Variants in TRAPPC3L observed in about 807,000 individuals in gnomAD.
TRAPPC3L encodes trafficking protein particle complex subunit 3-like protein.
A neutral mutation model predicts 23.7 loss-of-function variants in TRAPPC3L; 23 were observed. The ratio of observed to expected loss-of-function variants is 0.97; its 90% CI spans 0.70 to 1.37. The LOEUF (loss-of-function observed/expected upper bound fraction) is 1.37, where lower values mean the gene tolerates loss of function less well. Ranked by LOEUF, TRAPPC3L falls within the 40% of genes most tolerant of loss-of-function variation. The probability of loss-of-function intolerance (pLI) is 0.00; values close to 1 mark genes in which losing one functional copy is unlikely to be tolerated. For synonymous variants in TRAPPC3L, 81 were observed against 77.9 expected (o/e 1.04, Z -0.21); for missense variants, 212 against 216.8 (o/e 0.98, Z 0.14).
intron 3 of TRAPPC3L, among the ~76,000 whole-genome samples, chr6:116,508,437 G>A (rs1189884207): frequency 6.6e-6 from 1 of 152,180 alleles, no homozygotes; most frequent in Admixed American, 6.6e-5. Context: ...GAGCCCCAAA[G>A]GTGTGAACTG....
chr6:116,506,401 T>C (rs1296728547), intron 3 of TRAPPC3L, among the ~76,000 whole-genome samples: 1 of 152,210 alleles, frequency 6.6e-6, no homozygotes, highest in East Asian at 1.9e-4. Flanking sequence ...TAGGAACACT[T>C]TTACACTGTT....
At chr6:116,504,672 G>A (rs1285309621) in intron 3 of TRAPPC3L, among the ~76,000 whole-genome samples, 2 of 152,252 alleles carry the variant, frequency 1.3e-5, no homozygotes, top group East Asian at 3.9e-4. Flanking sequence ...ACATCAAAAA[G>A]CTTATCCACC....
chr6:116,544,082 A>G (rs1183826728), intron 1 of TRAPPC3L, among the ~76,000 whole-genome samples: 1 of 151,804 alleles, frequency 6.6e-6, no homozygotes, highest in Non-Finnish European at 1.5e-5. Flanking sequence ...TCAACATATA[A>G]GAGCCACAGC....
intron 2 of TRAPPC3L, among the ~76,000 whole-genome samples, chr6:116,540,932 G>A (rs1462185105): frequency 1.5e-4 from 23 of 152,148 alleles, no homozygotes; most frequent in Non-Finnish European, 2.9e-5. Context: ...GCTCTGGAAG[G>A]AGGGGAAGAA....
intron 3 of TRAPPC3L, chr6:116,523,956 C>G (rs1006520688): frequency 6.6e-6 from 1 of 152,146 alleles, no homozygotes; most frequent in Non-Finnish European, 1.5e-5. Context: ...TATTTGTATC[C>G]TGTTTCCAAC....
At chr6:116,530,443 G>A (rs1583279278) in intron 3 of TRAPPC3L, among the ~76,000 whole-genome samples, 1 of 152,270 alleles carries the variant, frequency 6.6e-6, no homozygotes, top group South Asian at 2.1e-4. Flanking sequence ...AGCCCCACAG[G>A]ATTAGATGAC....
chr6:116,501,258 G>C (rs535797478), intron 3 of TRAPPC3L, among the ~76,000 whole-genome samples: 1 of 152,344 alleles, frequency 6.6e-6, no homozygotes, highest in African/African-American at 2.4e-5. Context: ...ACAGAAGCCT[G>C]AGATCGACCT....
At chr6:116,515,353 T>C (rs1772202000) in intron 3 of TRAPPC3L, among the ~76,000 whole-genome samples, 1 of 152,208 alleles carries the variant, frequency 6.6e-6, no homozygotes, top group Non-Finnish European at 1.5e-5. Context: ...GCCTGCCTTC[T>C]GGTTATTTCT....
intron 3 of TRAPPC3L, among the ~76,000 whole-genome samples, chr6:116,529,777 C>G (rs1772585158): frequency 6.6e-6 from 1 of 152,118 alleles, no homozygotes; most frequent in South Asian, 2.1e-4. Flanking sequence ...AGATTTTAAC[C>G]AAGTGAAGGG....
At chr6:116,537,208 G>A (rs950316943) in intron 3 of TRAPPC3L, among the ~76,000 whole-genome samples, 33 of 152,200 alleles carry the variant, frequency 2.2e-4, no homozygotes, top group African/African-American at 7.7e-4. Flanking sequence ...GCATAGGAGT[G>A]GAAGTGGATC....
chr6:116,526,755 T>C (rs1009579202), intron 3 of TRAPPC3L, among the ~76,000 whole-genome samples: 4 of 152,210 alleles, frequency 2.6e-5, no homozygotes, highest in Admixed American at 1.3e-4. Context: ...AGAGTTTTGT[T>C]TCCCAGGGTA....
chr6:116,529,093 T>C (rs1772541804), intron 3 of TRAPPC3L: 1 of 152,530 alleles, frequency 6.6e-6, no homozygotes, highest in South Asian at 2.1e-4. Context: ...TCTACCTGGT[T>C]TGTTGTGAAC....
chr6:116,538,540 T>C (rs1424136380), intron 3 of TRAPPC3L, among the ~76,000 whole-genome samples: 1 of 152,236 alleles, frequency 6.6e-6, no homozygotes, highest in Non-Finnish European at 1.5e-5. Flanking sequence ...AATTTTTTGC[T>C]AGTTATGCTA....
At chr6:116,500,756 G>T in intron 3 of TRAPPC3L, 90 bp from the exon 4 acceptor site, 1 of 1,153,908 alleles carries the variant, frequency 8.7e-7, no homozygotes, top group Non-Finnish European at 1.2e-6. Context: ...AGGCATTGCA[G>T]CACAATGGTT....
At chr6:116,534,486 C>G (rs907449476) in intron 3 of TRAPPC3L, among the ~76,000 whole-genome samples, 1 of 152,154 alleles carries the variant, frequency 6.6e-6, no homozygotes, top group Admixed American at 6.5e-5. Context: ...GTATGATTTG[C>G]TGAAATTTTT....
At chr6:116,529,603 C>T (rs77972578) in intron 3 of TRAPPC3L, among the ~76,000 whole-genome samples, 3,837 of 152,240 alleles carry the variant, frequency 0.025, 76 homozygotes, top group Middle Eastern at 0.095. Flanking sequence ...GCACAGAACC[C>T]CCTCTCCATG....
intron 3 of TRAPPC3L, among the ~76,000 whole-genome samples, chr6:116,537,680 C>G (rs796687105): frequency 5.9e-5 from 9 of 152,194 alleles, no homozygotes; most frequent in African/African-American, 2.2e-4. Context: ...CTCGAGGAGC[C>G]CTTAAATGCA....
intron 3 of TRAPPC3L, chr6:116,522,054 T>C (rs1772355427): frequency 1.3e-5 from 2 of 152,154 alleles, no homozygotes; most frequent in Admixed American, 1.3e-4. Context: ...GAGATCCCAA[T>C]GGCTCCAATT....
At chr6:116,543,521 C>A in intron 1 of TRAPPC3L, 121 bp from the exon 2 acceptor site, 1 of 834,606 alleles carries the variant, frequency 1.2e-6, no homozygotes, top group Non-Finnish European at 1.8e-6. Flanking sequence ...TTTTTTCCTT[C>A]CTCCTATTAT....
Sources: gnomAD v4.1 joint callset for allele counts (sites outside exome capture counted in the v4.1 genomes callset) on GRCh38, gnomAD v4.1.1 for gene constraint, MANE v1.5 for transcripts, NCBI Gene and HGNC (gene_info 2026-07-23, HGNC 2026-07-21) for gene names.